The following EPM2A variants were observed in gnomAD, a reference collection of about 807,000 sequenced individuals.
The protein encoded by EPM2A is EPM2A glucan phosphatase, laforin, also known as laforin.
EPM2A carries 21 observed loss-of-function variants against 26.5 expected under a neutral mutation model. The observed-to-expected ratio is 0.79, with a 90% CI of 0.56 to 1.14. EPM2A has a LOEUF of 1.14. Among genes scored for constraint, EPM2A ranks in the 50% most tolerant of loss-of-function variants. The pLI is 0.00. For missense variants in EPM2A, 458 were observed against 440.8 expected, an observed-to-expected ratio of 1.04 and a Z score of -0.35; for synonymous variants, 217 against 177.6, an observed-to-expected ratio of 1.22 and a Z score of -1.76.
chr6:145,402,226 C>T (rs533581136), intron 4 of EPM2A, among the ~76,000 whole-genome samples: 1 of 152,152 alleles, frequency 6.6e-6, no homozygotes, highest in East Asian at 1.9e-4. Flanking sequence ...ACATCATATG[C>T]CTGATAGATG....
intron 1 of EPM2A, among the ~76,000 whole-genome samples, chr6:145,725,069 TC>T (rs1391345289): frequency 6.6e-6 from 1 of 151,852 alleles, no homozygotes; most frequent in African/African-American, 2.4e-5. Context: ...TATTCGCAAA[TC>T]ACCCATCTCT....
chr6:145,638,908 G>A (rs1776886613), intron 2 of EPM2A: 1 of 152,134 alleles, frequency 6.6e-6, no homozygotes, highest in Non-Finnish European at 1.5e-5. Flanking sequence ...TTTCTAAAAA[G>A]TAATTAAACT....
intron 1 of EPM2A, among the ~76,000 whole-genome samples, chr6:145,728,189 T>C (rs1386441497): frequency 2.6e-5 from 4 of 152,190 alleles, no homozygotes; most frequent in Admixed American, 6.5e-5. Context: ...TCATTCTTTA[T>C]AGTAATGCAA....
At chr6:145,413,369 T>A (rs1283452485) in intron 4 of EPM2A, among the ~76,000 whole-genome samples, 1 of 152,204 alleles carries the variant, frequency 6.6e-6, no homozygotes, top group Non-Finnish European at 1.5e-5. Context: ...TGATGAAGAC[T>A]TGAAGTTTTG....
chr6:145,501,104 G>A (rs1306961248), downstream of EPM2A, among the ~76,000 whole-genome samples: 1 of 152,182 alleles, frequency 6.6e-6, no homozygotes, highest in Non-Finnish European at 1.5e-5. Flanking sequence ...GAGAGGAGAG[G>A]AGAGGAGAGG....
chr6:145,674,203 A>T (rs976450234), intron 2 of EPM2A, among the ~76,000 whole-genome samples: 17 of 152,196 alleles, frequency 1.1e-4, no homozygotes, highest in African/African-American at 3.9e-4. Context: ...AAGCTGAGGG[A>T]CCTAACTGTT....
At chr6:145,429,506 A>C (rs886598241) in intron 4 of EPM2A, among the ~76,000 whole-genome samples, 2 of 151,968 alleles carry the variant, frequency 1.3e-5, no homozygotes, top group African/African-American at 2.4e-5. Context: ...TAATTTCATC[A>C]TGATAAACCT....
intron 2 of EPM2A, among the ~76,000 whole-genome samples, chr6:145,645,263 A>G (rs1777374121): frequency 6.6e-6 from 1 of 152,192 alleles, no homozygotes. Context: ...CAGGACATTC[A>G]CATTTCCATC....
At chr6:145,482,966 A>G (rs1359614940) in intron 4 of EPM2A, among the ~76,000 whole-genome samples, 1 of 151,998 alleles carries the variant, frequency 6.6e-6, no homozygotes, top group East Asian at 1.9e-4. Flanking sequence ...GCTCCAAAAG[A>G]AATAAAACTG....
chr6:145,484,549 A>G (rs560805679), intron 4 of EPM2A, among the ~76,000 whole-genome samples: 2 of 152,208 alleles, frequency 1.3e-5, no homozygotes, highest in East Asian at 3.9e-4. Flanking sequence ...TCAAAGACAT[A>G]ATCTCCAAAT....
At chr6:145,726,691 C>T (rs540469095) in intron 1 of EPM2A, among the ~76,000 whole-genome samples, 1 of 152,114 alleles carries the variant, frequency 6.6e-6, no homozygotes, top group East Asian at 1.9e-4. Flanking sequence ...CAGAAAAATC[C>T]CAATTGAGCA....
At chr6:145,699,059 G>A (rs1269304543) in intron 1 of EPM2A, among the ~76,000 whole-genome samples, 1 of 152,118 alleles carries the variant, frequency 6.6e-6, no homozygotes, top group Non-Finnish European at 1.5e-5. Context: ...AGTCCTAGCA[G>A]ACTAATACAC....
At chr6:145,408,487 G>A (rs967277178) in intron 4 of EPM2A, among the ~76,000 whole-genome samples, 8 of 152,118 alleles carry the variant, frequency 5.3e-5, no homozygotes, top group African/African-American at 1.4e-4. Context: ...CTACAATTAC[G>A]TTACTCTCTC....
At chr6:145,467,794 C>T (rs758859208) in intron 4 of EPM2A, among the ~76,000 whole-genome samples, 37 of 152,078 alleles carry the variant, frequency 2.4e-4, no homozygotes, top group South Asian at 1.7e-3. Flanking sequence ...CACTGTTTTT[C>T]GTAACAGTCT....
downstream of EPM2A, among the ~76,000 whole-genome samples, chr6:145,621,715 A>G (rs1775638549): frequency 6.6e-6 from 1 of 151,798 alleles, no homozygotes; most frequent in East Asian, 1.9e-4. Flanking sequence ...ACCTTTTCAT[A>G]TACCTCTTAG....
At chr6:145,592,335 T>C (rs569323309) in intron 2 of EPM2A, among the ~76,000 whole-genome samples, 33 of 152,094 alleles carry the variant, frequency 2.2e-4, no homozygotes, top group South Asian at 4.1e-4. Flanking sequence ...ACAAAGGACA[T>C]GAACTCATCC....
chr6:145,385,846 A>G (rs1272276608), intron 4 of EPM2A, among the ~76,000 whole-genome samples: 2 of 151,788 alleles, frequency 1.3e-5, no homozygotes, highest in Non-Finnish European at 2.9e-5. Context: ...ATGTCATGCA[A>G]TGTTTGTTAT....
At chr6:145,417,738 T>C (rs1554234886) in intron 4 of EPM2A, among the ~76,000 whole-genome samples, 1 of 152,112 alleles carries the variant, frequency 6.6e-6, no homozygotes, top group Non-Finnish European at 1.5e-5. Flanking sequence ...CCACCTAACC[T>C]CAGCCACACA....
intron 2 of EPM2A, among the ~76,000 whole-genome samples, chr6:145,528,374 T>C (rs1780307860): frequency 6.6e-6 from 1 of 152,112 alleles, no homozygotes; most frequent in South Asian, 2.1e-4. Context: ...GGCTTCAAAA[T>C]CTCAAAGAAT....
Sources: gnomAD v4.1 joint callset for allele counts (sites outside exome capture counted in the v4.1 genomes callset) on GRCh38, gnomAD v4.1.1 for gene constraint, MANE v1.5 for transcripts, NCBI Gene and HGNC (gene_info 2026-07-23, HGNC 2026-07-21) for gene names.